RAP1GDS1: variants seen among roughly 807,000 people sequenced by gnomAD.
RAP1GDS1 encodes the protein RAP1, GTP-GDP dissociation stimulator 1.
Under a neutral mutation model 71.1 loss-of-function variants are expected in RAP1GDS1, and 35 were observed. That is an observed-to-expected ratio of 0.49 (90% CI 0.38 to 0.65). The LOEUF (loss-of-function observed/expected upper bound fraction) is 0.65. Ranked by LOEUF, RAP1GDS1 falls within the 30% of genes least tolerant of loss-of-function variation. The pLI is 0.00. For synonymous variants in RAP1GDS1, 229 were observed against 243.1 expected (o/e 0.94, Z 0.54); for missense variants, 663 against 706.1 (o/e 0.94, Z 0.69).
chr4:98,381,527 C>T (rs558557169), intron 5 of RAP1GDS1, among the ~76,000 whole-genome samples: 7 of 151,650 alleles, frequency 4.6e-5, no homozygotes, highest in Non-Finnish European at 8.9e-5. Context: ...TCTTTACTGA[C>T]TCAGATTGTT....
rs537570921 is a variant in RAP1GDS1 at position 98,261,449 on chromosome 4, C to A, written c.-117C>A. On this transcript the variant is annotated 5_prime_UTR_variant, in exon 1 of 15. Coordinates refer to ENST00000408927, the MANE Select transcript of RAP1GDS1 (RefSeq NM_001100427.2). ...GCTGCTCCTCCCCGGCGGCCGCCCC[C>A]CGCGGGTCCCTCCCTGGCTGCGGGA... The A allele has an allele frequency of 5.3e-6, 6 of 1,127,602 alleles. No individual in the cohort carries two copies. Among genetic ancestry groups the A allele is most frequent in the South Asian group, 4.4e-5 (2 of 45,280 alleles). 69.8% of individuals were successfully genotyped at this position (1,127,602 alleles called of 1,614,324 possible). A position where few individuals can be genotyped will look rare whatever the true frequency, so the allele number is the denominator to read the frequency against.
At chr4:98,399,807 AAAG>A (rs1174207636) in intron 6 of RAP1GDS1, among the ~76,000 whole-genome samples, 3 of 152,110 alleles carry the variant, frequency 2.0e-5, no homozygotes, top group African/African-American at 7.2e-5. Context: ...TGTGGAGAAA[AAAG>A]AACTCACACT....
At chr4:98,324,266 A>G (rs1479475588) in intron 2 of RAP1GDS1, among the ~76,000 whole-genome samples, 2 of 150,882 alleles carry the variant, frequency 1.3e-5, no homozygotes, top group African/African-American at 4.9e-5. Context: ...CAAGGAAATA[A>G]AAGAGGACAC....
chr4:98,275,424 A>G (rs1724063899), intron 1 of RAP1GDS1, among the ~76,000 whole-genome samples: 1 of 152,208 alleles, frequency 6.6e-6, no homozygotes, highest in African/African-American at 2.4e-5. Flanking sequence ...AAACACAGCT[A>G]TAGGCAATGC....
intron 1 of RAP1GDS1, among the ~76,000 whole-genome samples, chr4:98,272,885 G>C (rs371159616): frequency 6.6e-6 from 1 of 152,082 alleles, no homozygotes; most frequent in Non-Finnish European, 1.5e-5. Flanking sequence ...AGAAGACAAC[G>C]CTTTAAAACA....
At chr4:98,407,598 T>C (rs1746321203) in intron 7 of RAP1GDS1, among the ~76,000 whole-genome samples, 1 of 152,178 alleles carries the variant, frequency 6.6e-6, no homozygotes, top group Admixed American at 6.5e-5. Flanking sequence ...AAATGCCACC[T>C]ATTCTCACAA....
At chr4:98,329,544 C>T (rs1733628486) in intron 2 of RAP1GDS1, among the ~76,000 whole-genome samples, 1 of 152,086 alleles carries the variant, frequency 6.6e-6, no homozygotes, top group African/African-American at 2.4e-5. Flanking sequence ...AATCCCAACA[C>T]TTTGGGAGGC....
At chr4:98,272,270 C>A (rs1229157451) in intron 1 of RAP1GDS1, among the ~76,000 whole-genome samples, 1 of 152,126 alleles carries the variant, frequency 6.6e-6, no homozygotes, top group Non-Finnish European at 1.5e-5. Flanking sequence ...ACATTAAAAT[C>A]AACACATTTT....
At position 98,343,159 on chromosome 4, in the gene RAP1GDS1, A is replaced by C. The variant is rs765486837; in HGVS notation, c.133A>C (p.Ile45Leu). 6.2e-7 allele frequency: 1 copy of C among 1,609,062 alleles called. No individual in the cohort carries two copies. Among genetic ancestry groups the C allele is most frequent in the South Asian group, 1.1e-5 (1 of 90,592 alleles). ...TTTAGATACGGAAACAAGTGAAAAA[A>C]TCCAAGCAAGTGGAATACTTCAGCT... ...AQNNTETSEK[I>L]QASGILQLFA... The change falls in exon 3 of 15, where the codon ATC becomes CTC. Residue 45 changes from isoleucine to leucine, a missense_variant. Transcript: ENST00000408927.
intron 1 of RAP1GDS1, among the ~76,000 whole-genome samples, chr4:98,271,435 C>G (rs1723439151): frequency 6.6e-6 from 1 of 152,192 alleles, no homozygotes; most frequent in South Asian, 2.1e-4. Flanking sequence ...AATACTCCCC[C>G]CATGGCTCAT....
At chr4:98,354,023 T>G (rs898994654) in intron 4 of RAP1GDS1, among the ~76,000 whole-genome samples, 4 of 152,008 alleles carry the variant, frequency 2.6e-5, no homozygotes, top group African/African-American at 7.2e-5. Context: ...TTTCTGTGTT[T>G]GTTACTGGAA....
At chr4:98,306,218 G>A (rs967919166) in intron 2 of RAP1GDS1, among the ~76,000 whole-genome samples, 9 of 152,124 alleles carry the variant, frequency 5.9e-5, no homozygotes, top group African/African-American at 1.4e-4. Flanking sequence ...ACCACACACC[G>A]GCTATATTAC....
At chr4:98,289,730 A>C (rs1006535272) in intron 1 of RAP1GDS1, among the ~76,000 whole-genome samples, 1 of 152,054 alleles carries the variant, frequency 6.6e-6, no homozygotes, top group Non-Finnish European at 1.5e-5. Flanking sequence ...TCAGATACTA[A>C]ACCCTTTAGA....
intron 6 of RAP1GDS1, among the ~76,000 whole-genome samples, chr4:98,399,811 A>G (rs1415507820): frequency 1.3e-5 from 2 of 152,126 alleles, no homozygotes; most frequent in Non-Finnish European, 2.9e-5. Context: ...GAGAAAAAAG[A>G]ACTCACACTG....
chr4:98,416,244 CT>C (rs1217109152), intron 7 of RAP1GDS1, among the ~76,000 whole-genome samples: 1 of 142,828 alleles, frequency 7.0e-6, no homozygotes, highest in Non-Finnish European at 1.5e-5. Context: ...TGAAATAAAG[CT>C]TTTTTGTATA....
chr4:98,417,436 C>T lies in RAP1GDS1; in HGVS notation c.977C>T (p.Pro326Leu), dbSNP rs1414217716. Residue 326 changes from proline to leucine, a missense_variant, in exon 9 of 15, where the codon CCA (proline) becomes CTA (leucine). Transcript: ENST00000408927. ...SVFQRVLSWIPSNNHQLQLAG... is the reference protein window; with the variant it reads ...SVFQRVLSWILSNNHQLQLAG... ...TTTCAAAGGGTACTCTCTTGGATCC[C>T]ATCAAATAACCACCAGCTACAGCTT... 4 of 1,613,618 alleles carry T rather than the reference C, an allele frequency of 2.5e-6. No homozygotes were observed. Among genetic ancestry groups the T allele is most frequent in the Non-Finnish European group, 3.4e-6 (4 of 1,179,682 alleles).
At chr4:98,318,917 T>C (rs1253421372) in intron 2 of RAP1GDS1, among the ~76,000 whole-genome samples, 2 of 152,076 alleles carry the variant, frequency 1.3e-5, no homozygotes, top group African/African-American at 4.8e-5. Context: ...ACTGTGAAAA[T>C]TTCCAAAACC....
At chr4:98,409,822 C>T in intron 7 of RAP1GDS1, 1 of 267,414 alleles carries the variant, frequency 3.7e-6, no homozygotes, top group Middle Eastern at 1.4e-3. Flanking sequence ...AAAATTAATT[C>T]CAGATAGATT....
chr4:98,379,477 T>C, intron 5 of RAP1GDS1: 1 of 175,064 alleles, frequency 5.7e-6, no homozygotes, highest in Admixed American at 6.3e-5. Flanking sequence ...TAGTTTTATC[T>C]TCGTTATATA....
Sources: allele counts gnomAD v4.1 joint callset (sites outside exome capture counted in the v4.1 genomes callset), GRCh38; gene constraint gnomAD v4.1.1; transcripts MANE v1.5; gene names NCBI Gene and HGNC (gene_info 2026-07-23, HGNC 2026-07-21).